Variants in PI4K2B observed in about 807,000 individuals in gnomAD.
PI4K2B encodes phosphatidylinositol 4-kinase type 2-beta.
In PI4K2B, 46 loss-of-function variants were observed where a neutral mutation model predicts 56.6. The ratio of observed to expected loss-of-function variants is 0.81; its 90% CI spans 0.64 to 1.04. The LOEUF is 1.04. Ranked by LOEUF, PI4K2B falls within the 50% of genes least tolerant of loss-of-function variation. The pLI is 0.00. For missense variants in PI4K2B, 556 were observed against 607.7 expected, an observed-to-expected ratio of 0.91 and a Z score of 0.89; for synonymous variants, 211 against 223.8, an observed-to-expected ratio of 0.94 and a Z score of 0.51.
chr4:25,244,512 C>T (rs1194393274), intron 1 of PI4K2B, among the ~76,000 whole-genome samples: 1 of 152,162 alleles, frequency 6.6e-6, no homozygotes, highest in Non-Finnish European at 1.5e-5. Flanking sequence ...ATACTTCCCT[C>T]AGGTGGCCAT....
chr4:25,267,714 T>TA (rs1716717929), intron 7 of PI4K2B: 1 of 930,740 alleles, frequency 1.1e-6, no homozygotes, highest in African/African-American at 1.8e-5. Context: ...ATTATACCTG[T>TA]ACAAATCTCT....
Position 25,234,351 on chromosome 4 carries a change from A to G in PI4K2B, c.188A>G (p.Glu63Gly). The change falls in exon 1 of 10, where the codon GAG becomes GGG. Residue 63 changes from glutamate (E) to glycine (G), a missense_variant. Transcript: ENST00000264864. The part of the protein sequence containing the change: ...AGEEGEAGDE[E>G]LPLPPGDVGV... ...GAGGAGGGCGAGGCCGGCGACGAGG[A>G]GCTGCCCCTCCCGCCCGGGGACGTG... is the stretch of plus-strand genomic sequence containing the variant. The G allele has an allele frequency of 1.4e-6, 2 of 1,411,982 alleles. No individual in the cohort carries two copies. The highest frequency in any genetic ancestry group is 1.8e-6 in the Non-Finnish European group (2 of 1,081,272). The allele number at this position is 1,411,982 out of a possible 1,614,324, so 87.5% of individuals were successfully genotyped here. A position where few individuals can be genotyped will look rare whatever the true frequency, so the allele number is the denominator to read the frequency against.
chr4:25,274,836 C>A (rs112910714), intron 9 of PI4K2B, among the ~76,000 whole-genome samples: 1,928 of 152,222 alleles, frequency 0.013, 42 homozygotes, highest in African/African-American at 0.043. Context: ...CCCTCTGTCA[C>A]CCACGCTGGA....
intron 1 of PI4K2B, among the ~76,000 whole-genome samples, chr4:25,235,098 A>G (rs1298539042): frequency 6.6e-6 from 1 of 152,206 alleles, no homozygotes; most frequent in East Asian, 1.9e-4. Context: ...GTTGAAGGTT[A>G]AATTTAGGTA....
At chr4:25,268,357 A>C in intron 7 of PI4K2B, 86 bp from the exon 8 acceptor site, 3 of 1,084,284 alleles carry the variant, frequency 2.8e-6, no homozygotes, top group Non-Finnish European at 4.1e-6. Flanking sequence ...GGGAGAACCT[A>C]GGAGTTGTAG....
intron 6 of PI4K2B, among the ~76,000 whole-genome samples, chr4:25,262,966 T>G (rs1716532135): frequency 6.6e-6 from 1 of 152,266 alleles, no homozygotes; most frequent in African/African-American, 2.4e-5. Flanking sequence ...CTCACAATTC[T>G]GCATGGCTGG....
intron 1 of PI4K2B, among the ~76,000 whole-genome samples, chr4:25,250,907 G>A (rs937624062): frequency 2.0e-5 from 3 of 152,162 alleles, no homozygotes; most frequent in Non-Finnish European, 2.9e-5. Context: ...GAGGGTAAGC[G>A]TGTGAGATCA....
intron 1 of PI4K2B, among the ~76,000 whole-genome samples, chr4:25,245,309 C>A (rs546916474): frequency 5.3e-5 from 8 of 152,206 alleles, no homozygotes; most frequent in African/African-American, 1.9e-4. Flanking sequence ...GGACTAACCT[C>A]GGAGAAGAGA....
At position 25,234,151 on chromosome 4, in the gene PI4K2B, G is replaced by A. The variant is rs1178968283; in HGVS notation, c.-13G>A. ...CTGATCTGGTCTCAGCGCGGAGGGAGCAGAGGGAGTCCATGGAGGATCCCT... is the reference window on the plus strand; with the variant it reads ...CTGATCTGGTCTCAGCGCGGAGGGAACAGAGGGAGTCCATGGAGGATCCCT... On this transcript the variant is annotated 5_prime_UTR_variant, in exon 1 of 10. Transcript: ENST00000264864. The A allele has an allele frequency of 7.4e-7, 1 of 1,349,892 alleles. No individual in the cohort carries two copies. The highest frequency in any genetic ancestry group is 9.5e-7 in the Non-Finnish European group (1 of 1,048,440). 83.6% of individuals were successfully genotyped at this position (1,349,892 alleles called of 1,614,324 possible).
rs999710466 is a variant in PI4K2B, at chr4:25,261,084, C to T, written c.978+493C>T. Among the ~76,000 whole-genome samples the T allele has an allele frequency of 2.0e-5, 3 of 151,754 alleles. No homozygotes were observed. The East Asian group carries it at 5.8e-4, about 29-fold the overall frequency. ...TATTAGAATAGAAGAATAATACCTG[C>T]CTAGTACTTTTTTAGAGTTTGAGAA... On this transcript the variant is annotated intron_variant, in intron 6 of 9. Transcript: ENST00000264864.
chr4:25,265,198 C>CAAAAAAAA (rs71188933), intron 7 of PI4K2B, among the ~76,000 whole-genome samples: 4,414 of 65,142 alleles, frequency 0.068, 356 homozygotes, highest in South Asian at 0.12. Flanking sequence ...TCTGTCTCAC[C>CAAAAAAAA]AAAAAAAAAA....
intron 1 of PI4K2B, among the ~76,000 whole-genome samples, chr4:25,246,533 A>G (rs1309724760): frequency 6.6e-6 from 1 of 152,184 alleles, no homozygotes; most frequent in Non-Finnish European, 1.5e-5. Context: ...CTAAGTCCCC[A>G]CTAGACTCAA....
At chr4:25,274,828 C>T (rs529121184) in intron 9 of PI4K2B, among the ~76,000 whole-genome samples, 1 of 152,252 alleles carries the variant, frequency 6.6e-6, no homozygotes, top group Admixed American at 6.5e-5. Context: ...CAGAGTCTCC[C>T]TCTGTCACCC....
At chr4:25,268,692 C>T (rs1402166263) in intron 8 of PI4K2B, 116 bp downstream of exon 8, 10 of 658,592 alleles carry the variant, frequency 1.5e-5, no homozygotes, top group Non-Finnish European at 2.2e-5. Context: ...GCCATAAAAC[C>T]TGACAGGACA....
At chr4:25,259,625 T>C (rs1022670509) in intron 5 of PI4K2B, among the ~76,000 whole-genome samples, 10 of 151,994 alleles carry the variant, frequency 6.6e-5, no homozygotes, top group African/African-American at 2.4e-4. Context: ...TCTTTTGGCT[T>C]CCCTGGGCCA....
chr4:25,277,322 G>A lies in PI4K2B; in HGVS notation c.*135G>A. 1 of 1,033,200 alleles carries A rather than the reference G, an allele frequency of 9.7e-7. No homozygotes were observed. Among genetic ancestry groups the A allele is most frequent in the Non-Finnish European group, 1.3e-6 (1 of 773,980 alleles). 64.0% of individuals were successfully genotyped at this position (1,033,200 alleles called of 1,614,324 possible). ...GTCTTTAAAAGGTTGTATTTTGAAT[G>A]TAACCAAAAGTTTACAGTTTTTTGT... On this transcript the variant is annotated 3_prime_UTR_variant, in exon 10 of 10. Coordinates refer to ENST00000264864, the MANE Select transcript of PI4K2B (RefSeq NM_018323.4).
intron 1 of PI4K2B, among the ~76,000 whole-genome samples, chr4:25,236,776 CA>C (rs893996781): frequency 1.3e-5 from 2 of 152,132 alleles, no homozygotes; most frequent in African/African-American, 4.8e-5. Flanking sequence ...CATGGGTCCA[CA>C]AGTGTTATAA....
intron 1 of PI4K2B, 129 bp from the exon 2 acceptor site, chr4:25,252,192 G>A: frequency 1.6e-6 from 1 of 611,102 alleles, no homozygotes; most frequent in East Asian, 2.8e-5. Context: ...GGGGGAAGGA[G>A]GATTAGAGCA....
intron 9 of PI4K2B, among the ~76,000 whole-genome samples, chr4:25,273,684 C>T (rs570311809): frequency 2.6e-5 from 4 of 152,280 alleles, no homozygotes; most frequent in African/African-American, 4.8e-5. Context: ...CTGGATTTAC[C>T]GACATTCTAA....
Sources: gnomAD v4.1 joint callset for allele counts (sites outside exome capture counted in the v4.1 genomes callset) on GRCh38, gnomAD v4.1.1 for gene constraint, MANE v1.5 for transcripts, NCBI Gene and HGNC (gene_info 2026-07-23, HGNC 2026-07-21) for gene names.